HSDL2: variants seen among roughly 807,000 people sequenced by gnomAD.
The protein encoded by HSDL2 is hydroxysteroid dehydrogenase-like protein 2.
Under a neutral mutation model 46.3 loss-of-function variants are expected in HSDL2, and 27 were observed. That is an observed-to-expected ratio of 0.58 (90% CI 0.43 to 0.80). The LOEUF (loss-of-function observed/expected upper bound fraction) is 0.80. Ranked by LOEUF, HSDL2 falls within the 30% of genes least tolerant of loss-of-function variation. The pLI is 0.00. For missense variants in HSDL2, 451 were observed against 502.7 expected (o/e 0.90, Z 0.98); for synonymous variants, 153 against 163.6 (o/e 0.94, Z 0.50).
At chr9:112,387,569 A>G (rs74918870) in intron 1 of HSDL2, among the ~76,000 whole-genome samples, 3,549 of 152,282 alleles carry the variant, frequency 0.023, 113 homozygotes, top group East Asian at 0.087. Context: ...TTGAATAAAC[A>G]TGGAAGCTTA....
chr9:112,410,728 A>G (rs1310176139), intron 4 of HSDL2, among the ~76,000 whole-genome samples: 1 of 152,194 alleles, frequency 6.6e-6, no homozygotes, highest in African/African-American at 2.4e-5. Context: ...GGAGTTCGAA[A>G]CCAGCCTAGA....
At chr9:112,428,376 T>C (rs1450035048) in intron 6 of HSDL2, among the ~76,000 whole-genome samples, 1 of 152,256 alleles carries the variant, frequency 6.6e-6, no homozygotes, top group Non-Finnish European at 1.5e-5. Context: ...CCTTTATGTT[T>C]CTGTAGCAGA....
Position 112,408,926 on chromosome 9 carries a change from T to A in HSDL2, c.300T>A (p.Asn100Lys). Residue 100 changes from asparagine (N) to lysine (K), a missense_variant, in exon 4 of 11, where the codon AAT (asparagine) becomes AAA (lysine). By Grantham distance (94) the Asn-to-Lys change is moderately conservative. Coordinates refer to ENST00000398805, the MANE Select transcript of HSDL2 (RefSeq NM_032303.5). ...KKFGGIDILV[N>K]NASAISLTNT... ...AAACAGGAATTGATATTCTGGTAAA[T>A]AATGCCAGTGCCATTAGTTTGACCA... 6.4e-7 allele frequency: 1 copy of A among 1,561,674 alleles called. No homozygotes were observed. The highest frequency in any genetic ancestry group is 8.8e-7 in the Non-Finnish European group (1 of 1,142,148).
intron 4 of HSDL2, 37 bp downstream of exon 4, chr9:112,409,058 C>T (rs372936665): frequency 2.5e-6 from 3 of 1,189,100 alleles, no homozygotes; most frequent in South Asian, 2.5e-5. Flanking sequence ...GAGGAAGTTG[C>T]GGTGTTTCTC....
intron 6 of HSDL2, among the ~76,000 whole-genome samples, chr9:112,428,947 G>GGA (rs1832318186): frequency 6.6e-6 from 1 of 152,182 alleles, no homozygotes; most frequent in Admixed American, 6.5e-5. Flanking sequence ...TGCCCAGGCT[G>GGA]GAGTGCAGTG....
intron 6 of HSDL2, among the ~76,000 whole-genome samples, chr9:112,425,193 G>T (rs1199239453): frequency 6.6e-6 from 1 of 151,954 alleles, no homozygotes; most frequent in African/African-American, 2.4e-5. Context: ...TTAATGCTGT[G>T]TTAGTATTAA....
chr9:112,380,960 G>T (rs1217357599), intron 1 of HSDL2, among the ~76,000 whole-genome samples: 1 of 152,150 alleles, frequency 6.6e-6, no homozygotes, highest in African/African-American at 2.4e-5. Context: ...CAGGCATATA[G>T]CCAAAGACTT....
intron 6 of HSDL2, among the ~76,000 whole-genome samples, chr9:112,431,022 A>G (rs1832377487): frequency 1.4e-5 from 2 of 143,454 alleles, no homozygotes; most frequent in African/African-American, 2.6e-5. Context: ...AGTGCACTCC[A>G]GCCTGGGTGA....
intron 1 of HSDL2, among the ~76,000 whole-genome samples, chr9:112,394,107 G>A (rs750657482): frequency 1.3e-5 from 2 of 152,160 alleles, no homozygotes; most frequent in South Asian, 2.1e-4. Context: ...AAGGGGGATC[G>A]GCGTCAAAAA....
intron 1 of HSDL2, among the ~76,000 whole-genome samples, chr9:112,390,836 A>C (rs913141561): frequency 6.6e-6 from 1 of 152,190 alleles, no homozygotes; most frequent in Non-Finnish European, 1.5e-5. Flanking sequence ...ATTTCTTAAG[A>C]TTCCCAAAGC....
At chr9:112,461,080 A>ATT (rs1175213925) in intron 10 of HSDL2, among the ~76,000 whole-genome samples, 1 of 144,668 alleles carries the variant, frequency 6.9e-6, no homozygotes, top group African/African-American at 2.5e-5. Flanking sequence ...CCCTTTAATG[A>ATT]ATTTTTTTTT....
intron 1 of HSDL2, among the ~76,000 whole-genome samples, chr9:112,381,290 A>T (rs1327166825): frequency 2.0e-5 from 3 of 152,068 alleles, no homozygotes; most frequent in African/African-American, 4.8e-5. Flanking sequence ...TAGCCTCTGG[A>T]GTATTTAGGA....
chr9:112,389,934 G>C (rs151168060), intron 1 of HSDL2, among the ~76,000 whole-genome samples: 1 of 151,872 alleles, frequency 6.6e-6, no homozygotes, highest in African/African-American at 2.4e-5. Context: ...TCATGGTGGC[G>C]CATACCTGTA....
At position 112,380,319 on chromosome 9, in the gene HSDL2, G is replaced by T. The variant is rs565744547; in HGVS notation, c.17+139G>T. 4.1e-5 allele frequency: 31 copies of T among 756,538 alleles called. No homozygotes were observed. In the African/African-American group the frequency reaches 5.4e-4, roughly 13 times the overall value. 46.9% of individuals were successfully genotyped at this position (756,538 alleles called of 1,614,324 possible). On this transcript the variant is annotated intron_variant, in intron 1 of 10. Transcript: ENST00000398805. ...CTGCCTGGGCACGCTCTGAGCTCTG[G>T]TCCGCGCTGGGCACTGTGCACCGAG...
At chr9:112,444,422 GT>G (rs34817199) in intron 8 of HSDL2, among the ~76,000 whole-genome samples, 85,215 of 151,220 alleles carry the variant, frequency 0.56, 24,162 homozygotes, top group African/African-American at 0.65. Flanking sequence ...AAATTGATGG[GT>G]TTTTTTTTTC....
chr9:112,405,093 TG>T (rs1317106360), intron 2 of HSDL2, among the ~76,000 whole-genome samples: 3 of 152,250 alleles, frequency 2.0e-5, no homozygotes, highest in African/African-American at 7.2e-5. Context: ...GGCTCAAGCC[TG>T]TAATCCCAGC....
intron 4 of HSDL2, 67 bp from the exon 5 acceptor site, chr9:112,416,774 T>TAAAAA: frequency 1.5e-6 from 1 of 653,644 alleles, no homozygotes; most frequent in Non-Finnish European, 2.6e-6. Flanking sequence ...CCCCCTCTCT[T>TAAAAA]AAAAAAAAAA....
At chr9:112,435,839 C>A (rs1240869090) in intron 6 of HSDL2, among the ~76,000 whole-genome samples, 2 of 152,002 alleles carry the variant, frequency 1.3e-5, no homozygotes, top group Non-Finnish European at 2.9e-5. Flanking sequence ...CTCAAGCAAT[C>A]TTCCTGCCTC....
intron 3 of HSDL2, among the ~76,000 whole-genome samples, chr9:112,406,883 G>T (rs1348752251): frequency 6.6e-6 from 1 of 152,160 alleles, no homozygotes; most frequent in Non-Finnish European, 1.5e-5. Flanking sequence ...TGGGGATTGA[G>T]CTAAGGCTTT....
Sources: gnomAD v4.1 joint callset for allele counts (sites outside exome capture counted in the v4.1 genomes callset) on GRCh38, gnomAD v4.1.1 for gene constraint, MANE v1.5 for transcripts, NCBI Gene and HGNC (gene_info 2026-07-23, HGNC 2026-07-21) for gene names.